DGKB: variants seen among roughly 807,000 people sequenced by gnomAD.
DGKB encodes the protein diacylglycerol kinase beta, also known as 90 kDa diacylglycerol kinase.
Under a neutral mutation model 114.3 loss-of-function variants are expected in DGKB, and 67 were observed. The observed-to-expected ratio is 0.59, with a 90% CI of 0.48 to 0.72. The LOEUF is 0.72. Ranked by LOEUF, DGKB falls within the 30% of genes least tolerant of loss-of-function variation. The pLI is 0.00. For missense variants in DGKB, 907 were observed against 975.2 expected (o/e 0.93, Z 0.93); for synonymous variants, 398 against 323.1 (o/e 1.23, Z -2.49).
chr7:14,166,234 G>A (rs73269884), intron 25 of DGKB, among the ~76,000 whole-genome samples: 6,213 of 152,198 alleles, frequency 0.041, 202 homozygotes, highest in East Asian at 0.11. Flanking sequence ...TCTTATAAGT[G>A]GGTAAAAACA....
intron 1 of DGKB, among the ~76,000 whole-genome samples, chr7:14,847,244 TGG>T (rs1848755392): frequency 7.2e-6 from 1 of 138,052 alleles, no homozygotes; most frequent in Non-Finnish European, 1.5e-5. Flanking sequence ...TGAGCCGAGA[TGG>T]CGCCACTGCA....
intron 23 of DGKB, among the ~76,000 whole-genome samples, chr7:14,313,429 G>C (rs2128510555): frequency 6.6e-6 from 1 of 152,272 alleles, no homozygotes; most frequent in Non-Finnish European, 1.5e-5. Context: ...CAGTGCGCGA[G>C]CCGAAGCAGG....
At chr7:14,235,895 G>C (rs542395634) in intron 23 of DGKB, among the ~76,000 whole-genome samples, 1 of 151,920 alleles carries the variant, frequency 6.6e-6, no homozygotes, top group Non-Finnish European at 1.5e-5. Flanking sequence ...CACCTTTCTG[G>C]TATGCTTACC....
intron 1 of DGKB, among the ~76,000 whole-genome samples, chr7:14,850,453 C>T (rs1003884371): frequency 1.3e-5 from 2 of 152,026 alleles, no homozygotes; most frequent in Non-Finnish European, 2.9e-5. Context: ...TTTTAAACTC[C>T]TTAGAAAAGA....
chr7:14,725,540 A>G (rs189058929), intron 5 of DGKB, among the ~76,000 whole-genome samples: 315 of 152,166 alleles, frequency 2.1e-3, no homozygotes, highest in Middle Eastern at 6.8e-3. Context: ...TATCTTTAAA[A>G]CAAAAAGGAT....
intron 23 of DGKB, among the ~76,000 whole-genome samples, chr7:14,239,084 C>G (rs1040428524): frequency 6.6e-6 from 1 of 151,870 alleles, no homozygotes; most frequent in Non-Finnish European, 1.5e-5. Context: ...ATTTTGCATT[C>G]GTGTTAGGCT....
At chr7:14,449,413 T>C (rs1216345625) in intron 21 of DGKB, among the ~76,000 whole-genome samples, 1 of 152,040 alleles carries the variant, frequency 6.6e-6, no homozygotes, top group Non-Finnish European at 1.5e-5. Context: ...TTCCAGGTTA[T>C]TTTGAAGTTA....
intron 2 of DGKB, among the ~76,000 whole-genome samples, chr7:14,759,683 C>T (rs1835405930): frequency 1.3e-5 from 2 of 152,022 alleles, no homozygotes; most frequent in Admixed American, 1.3e-4. Context: ...AACTTGTTTC[C>T]AGGTTTTGGC....
At chr7:14,901,332 C>A (rs1204940994) in intron 1 of DGKB, among the ~76,000 whole-genome samples, 1 of 152,096 alleles carries the variant, frequency 6.6e-6, no homozygotes, top group Non-Finnish European at 1.5e-5. Flanking sequence ...AAGAGTAGTC[C>A]TTGGTTACCC....
chr7:14,377,465 AT>A (rs1299623477), intron 21 of DGKB, among the ~76,000 whole-genome samples: 1 of 152,136 alleles, frequency 6.6e-6, no homozygotes, highest in Non-Finnish European at 1.5e-5. Flanking sequence ...TTGCTTTATG[AT>A]TTAAAGTATG....
intron 1 of DGKB, among the ~76,000 whole-genome samples, chr7:14,860,217 T>C (rs893623040): frequency 6.6e-6 from 1 of 152,088 alleles, no homozygotes; most frequent in Non-Finnish European, 1.5e-5. Context: ...ATTTTAGAAA[T>C]TGTGAAATTT....
At chr7:14,506,154 T>G (rs17168232) in intron 20 of DGKB, among the ~76,000 whole-genome samples, 1 of 152,108 alleles carries the variant, frequency 6.6e-6, no homozygotes, top group Non-Finnish European at 1.5e-5. Flanking sequence ...TAACCACTCT[T>G]CCTGGTAACT....
At chr7:14,789,243 A>G (rs1840323678) in intron 2 of DGKB, among the ~76,000 whole-genome samples, 1 of 152,192 alleles carries the variant, frequency 6.6e-6, no homozygotes, top group Non-Finnish European at 1.5e-5. Flanking sequence ...TATGATCAAT[A>G]AACAGACCAA....
At chr7:14,618,756 G>C (rs914884821) in intron 15 of DGKB, among the ~76,000 whole-genome samples, 2 of 151,420 alleles carry the variant, frequency 1.3e-5, no homozygotes, top group African/African-American at 4.8e-5. Context: ...TCATTATGCT[G>C]GTTAGCTGGA....
At chr7:14,821,237 T>C (rs562091062) in intron 2 of DGKB, among the ~76,000 whole-genome samples, 2 of 152,318 alleles carry the variant, frequency 1.3e-5, no homozygotes, top group South Asian at 2.1e-4. Flanking sequence ...CTAGGTGACA[T>C]TGATTCATTT....
chr7:14,922,019 A>G (rs930266291), intron 1 of DGKB, among the ~76,000 whole-genome samples: 2 of 152,128 alleles, frequency 1.3e-5, no homozygotes, highest in African/African-American at 4.8e-5. Flanking sequence ...AAACCCTACA[A>G]TAAGTGCATT....
intron 12 of DGKB, among the ~76,000 whole-genome samples, chr7:14,674,984 C>T (rs1819602713): frequency 6.6e-6 from 1 of 151,972 alleles, no homozygotes; most frequent in African/African-American, 2.4e-5. Context: ...ACTATGAAAA[C>T]GGCACTAAAA....
intron 17 of DGKB, among the ~76,000 whole-genome samples, chr7:14,585,049 G>T (rs983963102): frequency 2.0e-5 from 3 of 151,974 alleles, no homozygotes; most frequent in African/African-American, 7.3e-5. Context: ...TTTTGTCAAG[G>T]TAATACCAAC....
At chr7:14,773,741 G>A (rs1256435238) in intron 2 of DGKB, among the ~76,000 whole-genome samples, 1 of 152,122 alleles carries the variant, frequency 6.6e-6, no homozygotes, top group East Asian at 1.9e-4. Context: ...GGCTTTTGCT[G>A]TGGGCAAAAG....
Sources: allele counts gnomAD v4.1 joint callset (sites outside exome capture counted in the v4.1 genomes callset), GRCh38; gene constraint gnomAD v4.1.1; transcripts MANE v1.5; gene names NCBI Gene and HGNC (gene_info 2026-07-23, HGNC 2026-07-21).